TCF12: variants seen among roughly 807,000 people sequenced by gnomAD.
TCF12 encodes transcription factor 12.
TCF12 carries 45 observed loss-of-function variants against 86.0 expected under a neutral mutation model. That is an observed-to-expected ratio of 0.52 (90% CI 0.41 to 0.67). The LOEUF is 0.67. Among genes scored for constraint, TCF12 ranks in the 30% least tolerant of loss-of-function variants. The pLI, the probability that TCF12 is intolerant of heterozygous loss-of-function variation, is 0.00. For synonymous variants in TCF12, 330 were observed against 299.6 expected (o/e 1.10, Z -1.05); for missense variants, 881 against 859.9 (o/e 1.02, Z -0.31).
intron 3 of TCF12, among the ~76,000 whole-genome samples, chr15:56,942,476 C>T (rs1340438560): frequency 6.6e-6 from 1 of 152,136 alleles, no homozygotes; most frequent in African/African-American, 2.4e-5. Flanking sequence ...AAAATATTTT[C>T]TGGTATCAAA....
chr15:57,057,617 G>C (rs1403007603), intron 3 of TCF12, among the ~76,000 whole-genome samples: 1 of 148,646 alleles, frequency 6.7e-6, no homozygotes, highest in African/African-American at 2.5e-5. Flanking sequence ...AGAACAGTAG[G>C]AGATGAGTTC....
At chr15:57,233,319 G>T (rs1228816292) in intron 11 of TCF12, among the ~76,000 whole-genome samples, 1 of 151,778 alleles carries the variant, frequency 6.6e-6, no homozygotes, top group Non-Finnish European at 1.5e-5. Flanking sequence ...GGGACTACAG[G>T]CATGTACCAC....
chr15:57,229,940 G>C (rs2059056186), intron 8 of TCF12, among the ~76,000 whole-genome samples: 1 of 151,854 alleles, frequency 6.6e-6, no homozygotes, highest in Middle Eastern at 3.4e-3. Flanking sequence ...ATAAAAAGTT[G>C]GGATCCCATT....
At chr15:57,064,808 A>AC (rs1567348245) in intron 4 of TCF12, among the ~76,000 whole-genome samples, 2 of 145,476 alleles carry the variant, frequency 1.4e-5, no homozygotes, top group Non-Finnish European at 3.0e-5. Flanking sequence ...AAAAAAAAAA[A>AC]AAAAAGAGAG....
At chr15:57,134,199 C>T (rs535148849) in intron 5 of TCF12, 1 of 152,124 alleles carries the variant, frequency 6.6e-6, no homozygotes, top group African/African-American at 2.4e-5. Flanking sequence ...CTATTCATTC[C>T]ACCTAATGAC....
At chr15:57,066,269 A>G (rs1009558474) in intron 4 of TCF12, among the ~76,000 whole-genome samples, 2 of 152,154 alleles carry the variant, frequency 1.3e-5, no homozygotes, top group African/African-American at 4.8e-5. Flanking sequence ...AATTGTGTTG[A>G]TAAGAATCTC....
At chr15:57,122,352 A>G (rs1448953717) in intron 5 of TCF12, among the ~76,000 whole-genome samples, 1 of 152,228 alleles carries the variant, frequency 6.6e-6, no homozygotes, top group Non-Finnish European at 1.5e-5. Context: ...CCAAAAAACA[A>G]AACAGAAAGA....
At chr15:56,941,790 G>A (rs1567138829) in intron 3 of TCF12, among the ~76,000 whole-genome samples, 1 of 151,854 alleles carries the variant, frequency 6.6e-6, no homozygotes, top group Non-Finnish European at 1.5e-5. Flanking sequence ...TGAAGGTTAG[G>A]GCATTTTGTG....
intron 3 of TCF12, among the ~76,000 whole-genome samples, chr15:57,032,455 T>G (rs374148563): frequency 6.6e-6 from 1 of 152,088 alleles, no homozygotes; most frequent in Non-Finnish European, 1.5e-5. Flanking sequence ...TGAGGCAGGG[T>G]CTTAACTCTT....
intron 3 of TCF12, among the ~76,000 whole-genome samples, chr15:57,057,614 TAGG>T (rs1403931662): frequency 1.3e-5 from 2 of 149,780 alleles, no homozygotes; most frequent in Non-Finnish European, 3.0e-5. Context: ...GAAAGAACAG[TAGG>T]AGATGAGTTC....
chr15:57,025,691 C>T (rs1010781729), intron 3 of TCF12, among the ~76,000 whole-genome samples: 11 of 152,154 alleles, frequency 7.2e-5, no homozygotes. Context: ...GCTCCTCATA[C>T]AGTGTTTTTA....
At chr15:57,063,277 T>A (rs1248132202) in intron 3 of TCF12, among the ~76,000 whole-genome samples, 1 of 152,226 alleles carries the variant, frequency 6.6e-6, no homozygotes, top group Non-Finnish European at 1.5e-5. Flanking sequence ...TAGTTTGATG[T>A]CATCAGTTAA....
At chr15:57,170,663 A>T (rs2055280556) in intron 6 of TCF12, among the ~76,000 whole-genome samples, 1 of 8,016 alleles carries the variant, frequency 1.2e-4, no homozygotes, top group Non-Finnish European at 6.9e-4. Flanking sequence ...TATATAAAAT[A>T]TATATATATA....
At chr15:57,234,514 A>T (rs982744126) in intron 12 of TCF12, among the ~76,000 whole-genome samples, 1 of 152,178 alleles carries the variant, frequency 6.6e-6, no homozygotes, top group African/African-American at 2.4e-5. Flanking sequence ...TTTAAAGTCA[A>T]CTGCACCTGA....
At chr15:57,101,480 G>A (rs886413577) in intron 5 of TCF12, among the ~76,000 whole-genome samples, 22 of 152,310 alleles carry the variant, frequency 1.4e-4, no homozygotes, top group African/African-American at 4.3e-4. Flanking sequence ...AAAGTGCTAC[G>A]ATTACAAGCG....
intron 8 of TCF12, among the ~76,000 whole-genome samples, chr15:57,206,207 A>G (rs2057801595): frequency 6.6e-6 from 1 of 152,196 alleles, no homozygotes. Context: ...GCACTAAAGA[A>G]TACAAGGTAA....
At chr15:57,190,760 G>T (rs1325559636) in intron 6 of TCF12, among the ~76,000 whole-genome samples, 3 of 152,124 alleles carry the variant, frequency 2.0e-5, no homozygotes, top group African/African-American at 7.2e-5. Flanking sequence ...TGTCACTGTA[G>T]CATACCTCAG....
intron 3 of TCF12, among the ~76,000 whole-genome samples, chr15:57,020,054 A>C (rs1360375099): frequency 6.6e-6 from 1 of 152,204 alleles, no homozygotes; most frequent in Non-Finnish European, 1.5e-5. Context: ...GGGGTCAGCC[A>C]TACTAGACTT....
intron 5 of TCF12, among the ~76,000 whole-genome samples, chr15:57,119,394 C>T (rs957127379): frequency 4.6e-5 from 7 of 150,718 alleles, no homozygotes; most frequent in Non-Finnish European, 7.4e-5. Context: ...GTGAAGCAAT[C>T]CTCTCCGCTC....
Sources: allele counts gnomAD v4.1 joint callset (sites outside exome capture counted in the v4.1 genomes callset), GRCh38; gene constraint gnomAD v4.1.1; transcripts MANE v1.5; gene names NCBI Gene and HGNC (gene_info 2026-07-23, HGNC 2026-07-21).